The following L3MBTL4 variants were observed in gnomAD, a reference collection of about 807,000 sequenced individuals.
The protein encoded by L3MBTL4 is L3MBTL histone methyl-lysine binding protein 4.
L3MBTL4 carries 70 observed loss-of-function variants against 84.5 expected under a neutral mutation model. The observed-to-expected ratio is 0.83, with a 90% confidence interval of 0.68 to 1.01. The LOEUF is 1.01. Among genes scored for constraint, L3MBTL4 ranks in the 50% least tolerant of loss-of-function variants. The pLI is 0.00. For missense variants in L3MBTL4, 715 were observed against 754.8 expected (o/e 0.95, Z 0.62); for synonymous variants, 274 against 259.8 (o/e 1.05, Z -0.52).
intron 16 of L3MBTL4, among the ~76,000 whole-genome samples, chr18:6,018,266 T>C (rs1458106571): frequency 6.6e-6 from 1 of 152,066 alleles, no homozygotes; most frequent in Non-Finnish European, 1.5e-5. Flanking sequence ...ACCATACCTG[T>C]TTATCCAAAT....
rs907286618 is a variant in L3MBTL4, at chr18:6,290,539, AT to A, written c.127+11363del. Among the ~76,000 whole-genome samples the A allele has an allele frequency of 3.8e-4, 50 of 131,564 alleles. 1 individual carries two copies. Among genetic ancestry groups the A allele is most frequent in the Non-Finnish European group, 8.3e-5 (5 of 60,352 alleles). The allele number at this position is 131,564 out of a possible 152,430, so 86.3% of individuals were successfully genotyped here. ...GGAATTCTTTTATTTTTTTTTTTTAATTTTTTGAGACAGAGTCTCGCTCTAT... is the reference window on the plus strand; with the variant it reads ...GGAATTCTTTTATTTTTTTTTTTTAATTTTTGAGACAGAGTCTCGCTCTAT... On this transcript the variant is annotated intron_variant, in intron 4 of 18. Transcript: ENST00000317931.
chr18:6,049,581 T>C (rs543687446), intron 16 of L3MBTL4, among the ~76,000 whole-genome samples: 1 of 152,350 alleles, frequency 6.6e-6, no homozygotes, highest in Non-Finnish European at 1.5e-5. Flanking sequence ...TGGATGCAGC[T>C]GGAGGCCATT....
At chr18:6,165,057 G>T (rs561046934) in intron 13 of L3MBTL4, among the ~76,000 whole-genome samples, 1 of 152,154 alleles carries the variant, frequency 6.6e-6, no homozygotes, top group African/African-American at 2.4e-5. Context: ...TAGCTGATGC[G>T]ATCAACTGGA....
At chr18:6,267,813 T>C (rs550656054) in intron 4 of L3MBTL4, among the ~76,000 whole-genome samples, 1 of 152,302 alleles carries the variant, frequency 6.6e-6, no homozygotes, top group African/African-American at 2.4e-5. Flanking sequence ...TTGAATTGCA[T>C]ATTTTGGTGA....
chr18:6,166,891 G>T (rs1057035957), intron 13 of L3MBTL4, among the ~76,000 whole-genome samples: 1 of 152,120 alleles, frequency 6.6e-6, no homozygotes, highest in African/African-American at 2.4e-5. Context: ...TCCAGGAGCT[G>T]GATTTTTGAA....
chr18:6,317,528 T>C (rs890453517), intron 1 of L3MBTL4, among the ~76,000 whole-genome samples: 1 of 152,070 alleles, frequency 6.6e-6, no homozygotes, highest in African/African-American at 2.4e-5. Context: ...AGATAAGGCT[T>C]TTGTTCACCC....
At chr18:6,378,669 T>C (rs993187899) in intron 1 of L3MBTL4, among the ~76,000 whole-genome samples, 7 of 152,198 alleles carry the variant, frequency 4.6e-5, no homozygotes, top group African/African-American at 1.7e-4. Context: ...TTCTGTTCTG[T>C]TGGTCTATAT....
At chr18:5,969,361 C>G in intron 17 of L3MBTL4, 32 bp downstream of exon 17, 2 of 1,612,448 alleles carry the variant, frequency 1.2e-6, no homozygotes, top group Non-Finnish European at 1.7e-6. Context: ...GCAGGCACAC[C>G]CCAGCCCTGG....
intron 12 of L3MBTL4, among the ~76,000 whole-genome samples, chr18:6,177,560 A>T (rs2044279193): frequency 6.6e-6 from 1 of 152,160 alleles, no homozygotes; most frequent in Admixed American, 6.5e-5. Flanking sequence ...ATTTTTCAAC[A>T]CTCATCAAAA....
intron 16 of L3MBTL4, among the ~76,000 whole-genome samples, chr18:6,025,695 A>C (rs969078530): frequency 1.4e-4 from 21 of 152,144 alleles, no homozygotes; most frequent in Non-Finnish European, 1.9e-4. Context: ...TGGTTTTGGG[A>C]TAAAACTGTT....
At chr18:6,258,047 C>A (rs2048230256) in intron 5 of L3MBTL4, among the ~76,000 whole-genome samples, 1 of 152,176 alleles carries the variant, frequency 6.6e-6, no homozygotes, top group Non-Finnish European at 1.5e-5. Context: ...GGAAAGGATG[C>A]AGAGCACAGG....
intron 14 of L3MBTL4, among the ~76,000 whole-genome samples, chr18:6,131,795 T>C (rs541446770): frequency 4.3e-4 from 65 of 152,302 alleles, no homozygotes; most frequent in Middle Eastern, 3.4e-3. Context: ...TATCCAAGGT[T>C]GGTACTGAAG....
intron 10 of L3MBTL4, 109 bp from the exon 11 acceptor site, chr18:6,215,944 C>T (rs954424741): frequency 8.8e-6 from 5 of 569,892 alleles, no homozygotes; most frequent in South Asian, 5.9e-5. Flanking sequence ...GAATGCTCAC[C>T]ATTAAACAGA....
chr18:6,144,027 C>T (rs2042537334), intron 13 of L3MBTL4, among the ~76,000 whole-genome samples: 1 of 151,904 alleles, frequency 6.6e-6, no homozygotes, highest in South Asian at 2.1e-4. Flanking sequence ...GAAACCCCGT[C>T]TCTACTAAAA....
intron 5 of L3MBTL4, among the ~76,000 whole-genome samples, chr18:6,249,983 A>G (rs1012137639): frequency 2.6e-5 from 4 of 152,226 alleles, no homozygotes; most frequent in Non-Finnish European, 4.4e-5. Flanking sequence ...TGTGTTCCAC[A>G]TAAAGGGACA....
At chr18:6,275,526 G>GA (rs1050998160) in intron 4 of L3MBTL4, among the ~76,000 whole-genome samples, 4 of 152,124 alleles carry the variant, frequency 2.6e-5, no homozygotes, top group Admixed American at 6.5e-5. Context: ...CGTTTCCACT[G>GA]AAAAAACAGG....
intron 18 of L3MBTL4, among the ~76,000 whole-genome samples, chr18:5,958,609 C>T (rs1211004895): frequency 1.3e-5 from 2 of 152,156 alleles, no homozygotes; most frequent in African/African-American, 4.8e-5. Context: ...TAATGACTTG[C>T]CCAAGCTCAT....
chr18:6,082,744 T>C (rs1283821213), intron 15 of L3MBTL4, among the ~76,000 whole-genome samples: 1 of 152,124 alleles, frequency 6.6e-6, no homozygotes. Flanking sequence ...ATCAAATAAA[T>C]TTGTTGGGTG....
At position 5,971,354 on chromosome 18, in the gene L3MBTL4, T is replaced by C. The variant is rs139711405; in HGVS notation, c.1445-1792A>G. Among the ~76,000 whole-genome samples, 591 of 152,304 alleles carry C rather than the reference T, an allele frequency of 3.9e-3. 4 individuals carry two copies. Among genetic ancestry groups the C allele is most frequent in the African/African-American group, 0.013 (533 of 41,580 alleles). ...GTTAAAGCCCTGCACTCTTAGGGAT[T>C]AAGACCTGGGCCAAAACTGGGCTGT... On this transcript the variant is annotated intron_variant, in intron 16 of 18. Coordinates refer to ENST00000317931, the MANE Select transcript of L3MBTL4 (RefSeq NM_001330559.2).
Sources: allele counts gnomAD v4.1 joint callset (sites outside exome capture counted in the v4.1 genomes callset), GRCh38; gene constraint gnomAD v4.1.1; transcripts MANE v1.5; gene names NCBI Gene and HGNC (gene_info 2026-07-23, HGNC 2026-07-21).